NOL10: variants seen among roughly 807,000 people sequenced by gnomAD.
NOL10 encodes nucleolar protein 10.
A neutral mutation model predicts 103.5 loss-of-function variants in NOL10; 58 were observed. That is an observed-to-expected ratio of 0.56 (90% CI 0.45 to 0.70). The LOEUF is 0.70. NOL10 is among the 30% of genes least tolerant of loss of function. The pLI, the probability that NOL10 is intolerant of heterozygous loss-of-function variation, is 0.00. For missense variants in NOL10, 763 were observed against 807.3 expected, an observed-to-expected ratio of 0.95 and a Z score of 0.67; for synonymous variants, 287 against 282.5, an observed-to-expected ratio of 1.02 and a Z score of -0.16.
chr2:10,620,273 G>T (rs1572304783), intron 13 of NOL10, among the ~76,000 whole-genome samples: 1 of 152,094 alleles, frequency 6.6e-6, no homozygotes, highest in African/African-American at 2.4e-5. Flanking sequence ...TGAAATCTAT[G>T]TAAAAACTAA....
At position 10,577,831 on chromosome 2, in the gene NOL10, A is replaced by G; in HGVS notation, c.1845-93T>C. On this transcript the variant is annotated intron_variant, in intron 19 of 20. Coordinates refer to ENST00000381685, the MANE Select transcript of NOL10 (RefSeq NM_024894.4). ...TTTGATTAGAATTGATAGCGAAGAA[A>G]AATGTTTACACATGTAAACAGAAAA... 4 of 792,698 alleles carry G rather than the reference A, an allele frequency of 5.0e-6. No individual in the cohort carries two copies. The South Asian group carries it at 6.5e-5, about 13-fold the overall frequency. 49.1% of individuals were successfully genotyped at this position (792,698 alleles called of 1,614,324 possible). A position where few individuals can be genotyped will look rare whatever the true frequency, so the allele number is the denominator to read the frequency against.
At chr2:10,678,875 A>G (rs1681515487) in intron 3 of NOL10, among the ~76,000 whole-genome samples, 1 of 152,218 alleles carries the variant, frequency 6.6e-6, no homozygotes, top group African/African-American at 2.4e-5. Flanking sequence ...TGTGCTGTCC[A>G]ATATGGCAGC....
At chr2:10,646,125 C>T (rs751911545) in intron 12 of NOL10, among the ~76,000 whole-genome samples, 1 of 152,128 alleles carries the variant, frequency 6.6e-6, no homozygotes, top group African/African-American at 2.4e-5. Flanking sequence ...CAACGTTCAC[C>T]GAGGTCATGA....
At chr2:10,636,033 G>A (rs1260643873) in intron 13 of NOL10, among the ~76,000 whole-genome samples, 2 of 152,046 alleles carry the variant, frequency 1.3e-5, no homozygotes, top group African/African-American at 2.4e-5. Context: ...TTACAGGCAC[G>A]TGCCAAAGCA....
intron 13 of NOL10, among the ~76,000 whole-genome samples, chr2:10,642,123 A>G (rs1466046197): frequency 6.6e-6 from 1 of 152,232 alleles, no homozygotes; most frequent in Non-Finnish European, 1.5e-5. Context: ...TCTCCTGACA[A>G]TGTTCCCCAA....
intron 19 of NOL10, 30 bp from the exon 20 acceptor site, chr2:10,577,768 A>G (rs779403728): frequency 7.2e-7 from 1 of 1,397,122 alleles, no homozygotes; most frequent in South Asian, 1.2e-5. Flanking sequence ...ATGCCACATT[A>G]ATCAAAATTA....
At position 10,589,194 on chromosome 2, in the gene NOL10, G is replaced by T; in HGVS notation, c.1693C>A (p.Arg565Ser). The change falls in exon 19 of 21, where the codon CGC (arginine) becomes AGC (serine). Residue 565 changes from arginine to serine, a missense_variant. Physicochemically the swap from Arg to Ser is moderately radical, Grantham distance 110. Transcript: ENST00000381685. ...TTTTCCTCCTGCTGGAGGAGTCTGCGTTGCTTCCTGACCTCTTCAACCCAG... is the reference window on the plus strand; with the variant it reads ...TTTTCCTCCTGCTGGAGGAGTCTGCTTTGCTTCCTGACCTCTTCAACCCAG... ...KAWVEEVRKQ[R>S]RLLQQEEKVK... The T allele has an allele frequency of 6.2e-7, 1 of 1,613,992 alleles. No homozygotes were observed. The highest frequency in any genetic ancestry group is 8.5e-7 in the Non-Finnish European group (1 of 1,179,888).
At chr2:10,634,453 T>A in intron 13 of NOL10, 1 of 454,634 alleles carries the variant, frequency 2.2e-6, no homozygotes, top group South Asian at 1.6e-5. Flanking sequence ...GGGAGCTGGA[T>A]CAGAAGTTCT....
At chr2:10,668,838 T>C (rs974600743) in intron 6 of NOL10, 115 bp from the exon 7 acceptor site, 1 of 375,132 alleles carries the variant, frequency 2.7e-6, no homozygotes, top group Non-Finnish European at 4.8e-6. Flanking sequence ...TTTGTAACAC[T>C]GATACAAAAA....
chr2:10,592,515 T>C (rs1160008024), intron 17 of NOL10, among the ~76,000 whole-genome samples: 1 of 152,152 alleles, frequency 6.6e-6, no homozygotes, highest in Non-Finnish European at 1.5e-5. Context: ...ATGATGTAAA[T>C]TTTGGAGTTA....
chr2:10,682,580 T>G (rs545332052), intron 2 of NOL10, among the ~76,000 whole-genome samples: 1 of 151,822 alleles, frequency 6.6e-6, no homozygotes. Flanking sequence ...TTGTATTTTT[T>G]GTAGAGATGG....
intron 9 of NOL10, 98 bp from the exon 10 acceptor site, chr2:10,659,348 G>GT (rs1437071994): frequency 1.2e-5 from 6 of 484,174 alleles, no homozygotes; most frequent in African/African-American, 4.2e-5. Flanking sequence ...TAATGGGGGG[G>GT]GGGGGGAGGA....
At chr2:10,622,146 G>T in intron 13 of NOL10, 1 of 457,276 alleles carries the variant, frequency 2.2e-6, no homozygotes. Context: ...CACTGGTTTA[G>T]AGAACTGGAA....
intron 13 of NOL10, among the ~76,000 whole-genome samples, chr2:10,615,143 TTG>T (rs1424387142): frequency 5.9e-5 from 9 of 152,236 alleles, no homozygotes; most frequent in Non-Finnish European, 2.9e-5. Flanking sequence ...TTACATGCAT[TTG>T]TGTGAGTAAT....
At chr2:10,612,856 A>G (rs1209926295) in intron 13 of NOL10, among the ~76,000 whole-genome samples, 1 of 152,002 alleles carries the variant, frequency 6.6e-6, no homozygotes, top group Middle Eastern at 3.2e-3. Flanking sequence ...CATTTTTTAT[A>G]TATTTTTTAA....
chr2:10,675,411 G>A (rs1363929697), intron 4 of NOL10, among the ~76,000 whole-genome samples: 1 of 151,578 alleles, frequency 6.6e-6, no homozygotes, highest in African/African-American at 2.4e-5. Context: ...CAACCTGAGT[G>A]TATTTGGAAG....
intron 13 of NOL10, among the ~76,000 whole-genome samples, chr2:10,619,907 T>C (rs1677039419): frequency 6.6e-6 from 1 of 152,210 alleles, no homozygotes; most frequent in South Asian, 2.1e-4. Context: ...TAACAATGAC[T>C]CTAAGCAATG....
At chr2:10,685,553 G>A (rs1209373151) in intron 1 of NOL10, among the ~76,000 whole-genome samples, 2 of 134,466 alleles carry the variant, frequency 1.5e-5, no homozygotes, top group Non-Finnish European at 3.1e-5. Context: ...GAAAACTAAC[G>A]AAAATAAATT....
intron 13 of NOL10, among the ~76,000 whole-genome samples, chr2:10,617,104 A>C (rs1177956993): frequency 6.6e-6 from 1 of 152,196 alleles, no homozygotes; most frequent in Non-Finnish European, 1.5e-5. Context: ...ACAGACAGAG[A>C]CTGGTGCTGT....
Sources: allele counts gnomAD v4.1 joint callset (sites outside exome capture counted in the v4.1 genomes callset), GRCh38; gene constraint gnomAD v4.1.1; transcripts MANE v1.5; gene names NCBI Gene and HGNC (gene_info 2026-07-23, HGNC 2026-07-21).